Variants in GBP7 observed in about 807,000 individuals in gnomAD.
GBP7 encodes guanylate-binding protein 7.
In GBP7, 43 loss-of-function variants were observed where a neutral mutation model predicts 61.3. The observed-to-expected ratio is 0.70, with a 90% CI of 0.55 to 0.91. The LOEUF (loss-of-function observed/expected upper bound fraction) is 0.91, where lower values mean the gene tolerates loss of function less well. GBP7 is among the 40% of genes least tolerant of loss of function. The probability of loss-of-function intolerance (pLI) is 0.00; values close to 1 mark genes in which losing one functional copy is unlikely to be tolerated. For synonymous variants in GBP7, 267 were observed against 271.0 expected (o/e 0.99, Z 0.14); for missense variants, 717 against 740.5 (o/e 0.97, Z 0.37).
chr1:89,157,793 G>A (rs1267020387), intron 3 of GBP7, among the ~76,000 whole-genome samples: 2 of 152,026 alleles, frequency 1.3e-5, no homozygotes, highest in Admixed American at 6.6e-5. Flanking sequence ...GCAGGAGCTG[G>A]TACCATTCTT....
rs373542978 is a variant in GBP7, at chr1:89,138,722, A to G, written c.1468+2824T>C. Among the ~76,000 whole-genome samples the G allele has an allele frequency of 3.7e-4, 56 of 152,276 alleles. 6 individuals are homozygous for G. Among genetic ancestry groups the G allele is most frequent in the Admixed American group, 9.2e-4 (14 of 15,290 alleles). On this transcript the variant is annotated intron_variant, in intron 9 of 10. Transcript: ENST00000294671. ...GTAAATGTAAAATTTAAAACTATAAAACCACCAAAAGAAAACCTAGGAAAT... is the reference window on the plus strand; with the variant it reads ...GTAAATGTAAAATTTAAAACTATAAGACCACCAAAAGAAAACCTAGGAAAT...
chr1:89,172,372 T>C (rs140745006), intron 1 of GBP7, among the ~76,000 whole-genome samples: 110 of 152,350 alleles, frequency 7.2e-4, no homozygotes, highest in African/African-American at 2.6e-3. Flanking sequence ...ATTTAGTCAT[T>C]ATGTTTCTGT....
chr1:89,169,772 T>A (rs1267567281), intron 2 of GBP7, among the ~76,000 whole-genome samples: 2 of 152,214 alleles, frequency 1.3e-5, no homozygotes. Flanking sequence ...ACATTTAGTG[T>A]GTAAACCAGT....
At chr1:89,162,347 A>C (rs536142299) in intron 3 of GBP7, among the ~76,000 whole-genome samples, 2 of 152,326 alleles carry the variant, frequency 1.3e-5, no homozygotes, top group Non-Finnish European at 2.9e-5. Context: ...AATAGCATTG[A>C]ATCTATAAAT....
intron 7 of GBP7, 60 bp downstream of exon 7, chr1:89,149,232 G>A (rs1164796559): frequency 6.4e-6 from 9 of 1,409,378 alleles, no homozygotes; most frequent in African/African-American, 4.3e-5. Flanking sequence ...TAAAAAGGTG[G>A]ACTATAAGTA....
In GBP7 at chr1:89,147,731, C is replaced by T; in HGVS notation, c.1201G>A (p.Ala401Thr). 1 of 1,614,194 alleles carries T rather than the reference C, an allele frequency of 6.2e-7. No homozygotes were observed. The highest frequency in any genetic ancestry group is 8.5e-7 in the Non-Finnish European group (1 of 1,180,018). The change falls in exon 8 of 11, where the codon GCA becomes ACA. Residue 401 changes from alanine to threonine, a missense_variant. Around this residue, in one of 3 missense-constraint regions of GBP7, gnomAD observed 312 missense variants for 310.1 expected, o/e 1.01. Transcript: ENST00000294671. The part of the protein sequence containing the change: ...KEDFVLQNEE[A>T]SAKYCQAELK... ...TCAGCCTGACAATATTTGGCAGATG[C>T]CTCTTCATTCTGCAGCACAAAGTCT...
Position 89,131,977 on chromosome 1 carries a change from C to T in GBP7, c.*172G>A. On this transcript the variant is annotated 3_prime_UTR_variant, in exon 11 of 11. Transcript: ENST00000294671. ...TAATTTTATCTTCTAACTTGTTCCC[C>T]ATTTCTATTAATTATTACTTTAGTC... 8.5e-6 allele frequency: 4 copies of T among 469,886 alleles called. No individual in the cohort carries two copies. The highest frequency in any genetic ancestry group is 1.5e-5 in the Non-Finnish European group (4 of 270,610). 29.1% of individuals were successfully genotyped at this position (469,886 alleles called of 1,614,324 possible).
chr1:89,145,375 G>A (rs1263249360), intron 8 of GBP7, among the ~76,000 whole-genome samples: 2 of 152,032 alleles, frequency 1.3e-5, no homozygotes, highest in African/African-American at 4.8e-5. Flanking sequence ...CCAGTGGTAG[G>A]ATTTCTTTCT....
At chr1:89,173,046 A>G (rs986991979) in intron 1 of GBP7, among the ~76,000 whole-genome samples, 5 of 152,082 alleles carry the variant, frequency 3.3e-5, no homozygotes, top group African/African-American at 1.2e-4. Flanking sequence ...AGCTTCTTCA[A>G]GCTGGATCCA....
intron 7 of GBP7, among the ~76,000 whole-genome samples, chr1:89,148,715 G>C (rs1682123248): frequency 6.6e-6 from 1 of 152,202 alleles, no homozygotes; most frequent in South Asian, 2.1e-4. Context: ...CTTGTTTTCA[G>C]CTTGTGATAC....
At chr1:89,153,700 A>G (rs1682253585) in intron 3 of GBP7, among the ~76,000 whole-genome samples, 1 of 152,236 alleles carries the variant, frequency 6.6e-6, no homozygotes, top group South Asian at 2.1e-4. Context: ...AACTTCTGCC[A>G]GGAGTGGAAC....
At chr1:89,147,006 T>G (rs1200408370) in intron 8 of GBP7, among the ~76,000 whole-genome samples, 1 of 152,232 alleles carries the variant, frequency 6.6e-6, no homozygotes, top group African/African-American at 2.4e-5. Flanking sequence ...TCTCCATGCA[T>G]TCACATTTCT....
chr1:89,168,109 G>A (rs1647491932), intron 2 of GBP7, among the ~76,000 whole-genome samples: 2 of 152,132 alleles, frequency 1.3e-5, no homozygotes, highest in South Asian at 4.1e-4. Flanking sequence ...AAAATTGGAA[G>A]GGATCCCAAA....
At chr1:89,170,517 G>A (rs1404585186) in intron 2 of GBP7, among the ~76,000 whole-genome samples, 1 of 152,178 alleles carries the variant, frequency 6.6e-6, no homozygotes, top group Admixed American at 6.5e-5. Context: ...ATGACTCCCA[G>A]TCACCAATCA....
chr1:89,171,981 T>A (rs1253426203), intron 1 of GBP7, 27 bp from the exon 2 acceptor site: 3 of 1,488,914 alleles, frequency 2.0e-6, no homozygotes, highest in Non-Finnish European at 2.8e-6. Context: ...AAATGGAAAG[T>A]AATGTCTGGT....
At chr1:89,158,588 C>G (rs1222046052) in intron 3 of GBP7, among the ~76,000 whole-genome samples, 1 of 152,152 alleles carries the variant, frequency 6.6e-6, no homozygotes, top group African/African-American at 2.4e-5. Flanking sequence ...AAAGCCAAAT[C>G]ATGAGTGAAC....
intron 3 of GBP7, among the ~76,000 whole-genome samples, chr1:89,155,014 G>A (rs988814141): frequency 1.6e-4 from 24 of 152,110 alleles, no homozygotes; most frequent in African/African-American, 5.8e-4. Flanking sequence ...CCGGAGGAAG[G>A]ATCAGGCAGC....
Position 89,149,355 on chromosome 1 carries a change from G to C in GBP7, c.1089C>G (p.Ala363=), listed in dbSNP as rs755163316. Residue 363 remains alanine (A), a synonymous_variant, in exon 7 of 11, where the codon GCC becomes GCG. Coordinates refer to ENST00000294671, the MANE Select transcript of GBP7 (RefSeq NM_207398.3). ...LDVHAVCERE[A]IAVFMEYSFK... ...AGGAGTACTCCATGAAGACTGCAAT[G>C]GCTTCCCTCTCACAAACTGCATGCA... The C allele has an allele frequency of 6.8e-6, 11 of 1,614,046 alleles. No individual in the cohort carries two copies. The East Asian group carries it at 2.5e-4, about 36-fold the overall frequency.
intron 3 of GBP7, among the ~76,000 whole-genome samples, chr1:89,153,460 TAGTA>T (rs1454636559): frequency 2.0e-5 from 3 of 152,238 alleles, no homozygotes; most frequent in East Asian, 1.9e-4. Flanking sequence ...GCCTACAGCA[TAGTA>T]AGTATGTAGT....
Sources: allele counts gnomAD v4.1 joint callset (sites outside exome capture counted in the v4.1 genomes callset), GRCh38; gene constraint gnomAD v4.1.1; regional missense constraint gnomAD v4.1.1; transcripts MANE v1.5; gene names NCBI Gene and HGNC (gene_info 2026-07-23, HGNC 2026-07-21).